SKOR2: variants seen among roughly 807,000 people sequenced by gnomAD.
The protein encoded by SKOR2 is SKI family transcriptional corepressor 2.
SKOR2 carries 47 observed loss-of-function variants against 69.1 expected under a neutral mutation model. The observed-to-expected ratio is 0.68, with a 90% CI of 0.54 to 0.87. The LOEUF is 0.87. Among genes scored for constraint, SKOR2 ranks in the 40% least tolerant of loss-of-function variants. The probability of loss-of-function intolerance (pLI) is 0.00; values close to 1 mark genes in which losing one functional copy is unlikely to be tolerated. For missense variants in SKOR2, 1,404 were observed against 1,472.2 expected (o/e 0.95, Z 0.76); for synonymous variants, 717 against 672.6 (o/e 1.07, Z -1.02).
intron 8 of SKOR2, among the ~76,000 whole-genome samples, chr18:47,210,971 G>T (rs2064126153): frequency 1.3e-5 from 2 of 152,188 alleles, no homozygotes; most frequent in Admixed American, 1.3e-4. Flanking sequence ...GCACATGGAT[G>T]AAAGACTGTT....
intron 6 of SKOR2, among the ~76,000 whole-genome samples, chr18:47,222,955 A>AT (rs1018522354): frequency 1.6e-4 from 25 of 151,788 alleles, no homozygotes; most frequent in Non-Finnish European, 2.8e-4. Flanking sequence ...ATAATGGCAA[A>AT]TTTTTTTTTA....
chr18:47,222,315 C>CA lies in SKOR2; in HGVS notation c.2918-2306dup, dbSNP rs57282613. On this transcript the variant is annotated intron_variant, in intron 6 of 8. Coordinates refer to ENST00000425639, the MANE Select transcript of SKOR2 (RefSeq NM_001278063.4). ...TGAGTGACAAAGTGAGACTCTGCCT[C>CA]AAAAAAAAAAAAAAGAAAAAATTTT... 1.5e-3 allele frequency among the ~76,000 whole-genome samples: 170 copies of CA among 112,408 alleles called. 1 individual carries two copies. Among genetic ancestry groups the CA allele is most frequent in the East Asian group, 8.7e-3 (37 of 4,240 alleles). 73.7% of individuals were successfully genotyped at this position (112,408 alleles called of 152,430 possible).
chr18:47,208,671 C>T (rs1404069310), intron 8 of SKOR2, among the ~76,000 whole-genome samples: 1 of 152,070 alleles, frequency 6.6e-6, no homozygotes, highest in Non-Finnish European at 1.5e-5. Context: ...GCAGGAAGTG[C>T]GTCACAGAAA....
At position 47,247,497 on chromosome 18, in the gene SKOR2, C is replaced by T. The variant is rs1186391701; in HGVS notation, c.1687G>A (p.Gly563Ser). The T allele has an allele frequency of 8.3e-7, 1 of 1,209,198 alleles. No homozygotes were observed. 74.9% of individuals were successfully genotyped at this position (1,209,198 alleles called of 1,614,324 possible). A position where few individuals can be genotyped will look rare whatever the true frequency, so the allele number is the denominator to read the frequency against. ...GCGCTGCAGTCCCCGCCGCTGCCGC[C>T]CGGGGGCGACTCGAAGAGCGCGTCG... The part of the protein sequence containing the change: ...SRDALFESPP[G>S]GSGGDCSAGS... Residue 563 changes from glycine to serine, a missense_variant, in exon 2 of 9, where the codon GGC becomes AGC. Physicochemically the swap from Gly to Ser is moderately conservative, Grantham distance 56. This residue lies in a region of SKOR2 where 1,266 missense variants were observed against 1,309.9 expected (regional missense o/e 0.97). Transcript: ENST00000425639. This position sits in a 1 kb window ranked among gnomAD's most constrained non-coding sequence, Gnocchi z 6.6.
In SKOR2 at chr18:47,226,139, C is replaced by G. The variant is rs76296200; in HGVS notation, c.2917+4320G>C. Among the ~76,000 whole-genome samples, 640 of 151,938 alleles carry G rather than the reference C, an allele frequency of 4.2e-3. 6 individuals are homozygous for G. The highest frequency in any genetic ancestry group is 0.015 in the African/African-American group (601 of 41,408). On this transcript the variant is annotated intron_variant, in intron 6 of 8. Transcript: ENST00000425639. Reference sequence around the variant, plus strand: ...GCTAGGCTCTGAGGTTTTAAGATGGCTAATGGGAAGAAATAAAAATGAATA... The same window carrying G: ...GCTAGGCTCTGAGGTTTTAAGATGGGTAATGGGAAGAAATAAAAATGAATA...
chr18:47,242,854 A>G (rs567137833), intron 4 of SKOR2, among the ~76,000 whole-genome samples: 1 of 152,322 alleles, frequency 6.6e-6, no homozygotes, highest in Non-Finnish European at 1.5e-5. Context: ...ACTAATTTTA[A>G]CAAGCGACTC....
In SKOR2 at chr18:47,248,272, G is replaced by C. The variant is rs1409726960; in HGVS notation, c.912C>G (p.Ala304=). 8.2e-7 allele frequency: 1 copy of C among 1,217,366 alleles called. No individual in the cohort carries two copies. The highest frequency in any genetic ancestry group is 1.6e-5 in the African/African-American group (1 of 63,224). The allele number at this position is 1,217,366 out of a possible 1,614,324, so 75.4% of individuals were successfully genotyped here. A position where few individuals can be genotyped will look rare whatever the true frequency, so the allele number is the denominator to read the frequency against. Residue 304 remains alanine (A), a synonymous_variant, in exon 2 of 9, where the codon GCC becomes GCG. Transcript: ENST00000425639. This position sits in a 1 kb window ranked among gnomAD's most constrained non-coding sequence, Gnocchi z 6.4. ...CGTCGAAGCGCGGCCGCTTGTGATG[G>C]GCGTGCGGGGCACCAGCCAGCTCTG... is the stretch of plus-strand genomic sequence containing the variant. ...PLAELAGAPH[A]HHKRPRFDDD...
Position 47,248,358 on chromosome 18 carries a change from G to A in SKOR2, c.826C>T (p.Leu276=), listed in dbSNP as rs1000339164. The A allele has an allele frequency of 1.0e-5, 13 of 1,273,130 alleles. No individual in the cohort carries two copies. The African/African-American group carries it at 2.1e-4, about 20-fold the overall frequency. The allele number at this position is 1,273,130 out of a possible 1,614,324, so 78.9% of individuals were successfully genotyped here. A position where few individuals can be genotyped will look rare whatever the true frequency, so the allele number is the denominator to read the frequency against. The change falls in exon 2 of 9, where the codon CTG becomes TTG. Residue 276 remains leucine, a synonymous_variant. Coordinates refer to ENST00000425639, the MANE Select transcript of SKOR2 (RefSeq NM_001278063.4). This position sits in a 1 kb window ranked among gnomAD's most constrained non-coding sequence, Gnocchi z 6.4. The stretch of plus-strand genomic sequence containing the variant: ...GCACCCAGCAGGTGGGGGCCCAGCA[G>A]ACCCCCGCCTCCGGCCACCGCGGCC... The part of the protein sequence containing the change: ...AAAAVAGGGG[L]LGPHLLGAPP...
At chr18:47,219,158 G>A (rs1463588650) in intron 7 of SKOR2, among the ~76,000 whole-genome samples, 12 of 152,180 alleles carry the variant, frequency 7.9e-5, no homozygotes, top group Admixed American at 7.9e-4. Flanking sequence ...TAATTATGCT[G>A]AGAATAGCAC....
At chr18:47,207,912 A>G (rs1294916876) in intron 8 of SKOR2, among the ~76,000 whole-genome samples, 1 of 152,230 alleles carries the variant, frequency 6.6e-6, no homozygotes, top group Non-Finnish European at 1.5e-5. Flanking sequence ...GACATAAGGC[A>G]AAAATAGGTG....
intron 4 of SKOR2, among the ~76,000 whole-genome samples, chr18:47,240,408 A>G (rs2064243677): frequency 6.6e-6 from 1 of 152,206 alleles, no homozygotes; most frequent in Admixed American, 6.5e-5. Flanking sequence ...TATATTTTTG[A>G]GTAGGTAATA....
intron 1 of SKOR2, among the ~76,000 whole-genome samples, chr18:47,251,009 C>G (rs951595180): frequency 6.6e-6 from 1 of 151,944 alleles, no homozygotes; most frequent in Admixed American, 6.6e-5. Context: ...GTTAAGGACT[C>G]GCAGCCTTAG....
chr18:47,233,352 A>G (rs1032055923), intron 4 of SKOR2, among the ~76,000 whole-genome samples: 2 of 152,212 alleles, frequency 1.3e-5, no homozygotes, highest in African/African-American at 2.4e-5. Context: ...ATAGACCTCA[A>G]TGCAATTCCT....
intron 7 of SKOR2, among the ~76,000 whole-genome samples, chr18:47,218,448 G>T (rs933393171): frequency 6.6e-6 from 1 of 151,804 alleles, no homozygotes; most frequent in Non-Finnish European, 1.5e-5. Context: ...AAATTAATCG[G>T]GTGTGGTGGT....
intron 6 of SKOR2, among the ~76,000 whole-genome samples, chr18:47,230,245 C>T (rs2064192594): frequency 6.6e-6 from 1 of 151,896 alleles, no homozygotes; most frequent in Admixed American, 6.6e-5. Context: ...CACATATATC[C>T]ATACACAAAT....
At chr18:47,227,083 G>C (rs569554955) in intron 6 of SKOR2, among the ~76,000 whole-genome samples, 2 of 152,220 alleles carry the variant, frequency 1.3e-5, no homozygotes, top group South Asian at 2.1e-4. Flanking sequence ...GCAGAGACTT[G>C]CTTGTTTCTC....
intron 8 of SKOR2, among the ~76,000 whole-genome samples, chr18:47,208,656 T>C (rs936074462): frequency 2.0e-5 from 3 of 152,194 alleles, no homozygotes; most frequent in African/African-American, 7.2e-5. Context: ...CACTGGGTTA[T>C]CTGTGCAGGA....
rs2064195035 is a variant in SKOR2 at position 47,230,856 on chromosome 18, A to G, written c.2818+79T>C. On this transcript the variant is annotated intron_variant, in intron 5 of 8. Transcript: ENST00000425639. ...GCTTGTCAAGCTAAAAATATGGTGG[A>G]GAACAAAAATATCCTCCTATTATCT... is the stretch of plus-strand genomic sequence containing the variant. 2.1e-5 allele frequency: 30 copies of G among 1,407,370 alleles called. No individual in the cohort carries two copies. In the South Asian group the frequency reaches 3.7e-4, roughly 17 times the overall value. The allele number at this position is 1,407,370 out of a possible 1,614,324, so 87.2% of individuals were successfully genotyped here.
chr18:47,215,968 AAT>A (rs901616484), intron 7 of SKOR2, among the ~76,000 whole-genome samples: 7 of 152,228 alleles, frequency 4.6e-5, no homozygotes, highest in Non-Finnish European at 1.0e-4. Flanking sequence ...CCAAATTCAT[AAT>A]AAAAAAAGGT....
Sources: gnomAD v4.1 joint callset for allele counts (sites outside exome capture counted in the v4.1 genomes callset) on GRCh38, gnomAD v4.1.1 for gene constraint, gnomAD v4.1.1 regional missense constraint, Gnocchi (gnomAD v3.1) non-coding constraint, MANE v1.5 for transcripts, NCBI Gene and HGNC (gene_info 2026-07-23, HGNC 2026-07-21) for gene names.